Variants in CAST observed in about 807,000 individuals in gnomAD.
The protein encoded by CAST is MIR583 host.
A neutral mutation model predicts 119.6 loss-of-function variants in CAST; 76 were observed. The ratio of observed to expected loss-of-function variants is 0.64; its 90% CI spans 0.53 to 0.77. CAST has a LOEUF of 0.77. Among genes scored for constraint, CAST ranks in the 30% least tolerant of loss-of-function variants. The pLI is 0.00. For missense variants in CAST, 953 were observed against 946.5 expected, an observed-to-expected ratio of 1.01 and a Z score of -0.09; for synonymous variants, 319 against 331.6, an observed-to-expected ratio of 0.96 and a Z score of 0.41.
At chr5:96,628,780 A>G (rs1006122918) in intron 1 of CAST, among the ~76,000 whole-genome samples, 1 of 152,172 alleles carries the variant, frequency 6.6e-6, no homozygotes, top group Non-Finnish European at 1.5e-5. Flanking sequence ...GGAAGCAAGT[A>G]TGGATGTTGT....
chr5:96,634,266 A>C (rs1291893483), intron 1 of CAST, among the ~76,000 whole-genome samples: 4 of 152,246 alleles, frequency 2.6e-5, no homozygotes, highest in Non-Finnish European at 1.5e-5. Flanking sequence ...AGAGATCAAC[A>C]AGAGTGAAAG....
chr5:96,261,839 G>A, the CAST span, among the ~76,000 whole-genome samples: 1 of 152,178 alleles, frequency 6.6e-6, no homozygotes, highest in South Asian at 2.1e-4. Flanking sequence ...GTGCAGGTCT[G>A]AAAGATAGGT....
chr5:96,328,175 T>G, the CAST span, among the ~76,000 whole-genome samples: 6,950 of 152,300 alleles, frequency 0.046, 430 homozygotes, highest in African/African-American at 0.14. Flanking sequence ...TCTTTCTAAC[T>G]GCTCTTCTGA....
chr5:96,034,604 G>GT, the CAST span, among the ~76,000 whole-genome samples: 6 of 149,192 alleles, frequency 4.0e-5, no homozygotes, highest in South Asian at 4.2e-4. Context: ...ACCTAACATA[G>GT]TTTTTTTTCT....
chr5:96,650,051 A>C (rs544851501), intron 1 of CAST, among the ~76,000 whole-genome samples: 1 of 152,326 alleles, frequency 6.6e-6, no homozygotes, highest in South Asian at 2.1e-4. Context: ...AGAGAGATTG[A>C]ATAAATTACA....
At chr5:96,432,155 T>C in the CAST span, 1 of 1,534,640 alleles carries the variant, frequency 6.5e-7, no homozygotes, top group Non-Finnish European at 8.7e-7. Flanking sequence ...GCAGTGGGAC[T>C]GGCCGGGCAA....
intron 11 of CAST, 59 bp from the exon 12 acceptor site, chr5:96,739,979 A>G (rs1762355751): frequency 2.6e-6 from 2 of 776,452 alleles, no homozygotes; most frequent in Non-Finnish European, 2.2e-6. Context: ...CAGAATATGC[A>G]TATAGCATTG....
chr5:96,434,904 T>C, the CAST span, among the ~76,000 whole-genome samples: 4 of 152,368 alleles, frequency 2.6e-5, no homozygotes, highest in Admixed American at 2.6e-4. Context: ...ATAAGCCATG[T>C]GACATGGTTA....
At chr5:96,096,909 C>G in the CAST span, among the ~76,000 whole-genome samples, 1 of 152,296 alleles carries the variant, frequency 6.6e-6, no homozygotes, top group South Asian at 2.1e-4. Context: ...AAATTCTTGC[C>G]AATAGACTCC....
At chr5:96,510,321 A>G in the CAST span, among the ~76,000 whole-genome samples, 11 of 152,248 alleles carry the variant, frequency 7.2e-5, no homozygotes, top group Non-Finnish European at 1.3e-4. Flanking sequence ...TCTTTGCTCC[A>G]GTAGATTCTA....
At chr5:96,376,091 C>T in the CAST span, among the ~76,000 whole-genome samples, 6,433 of 150,490 alleles carry the variant, frequency 0.043, 404 homozygotes, top group African/African-American at 0.14. Context: ...TTTCTCAGAC[C>T]TCTCAGGGTG....
chr5:96,757,315 C>A, intron 22 of CAST, 129 bp from the exon 23 acceptor site: 2 of 853,486 alleles, frequency 2.3e-6, no homozygotes, highest in Non-Finnish European at 3.9e-6. Flanking sequence ...TCCTTCGTGA[C>A]ATGATGGATC....
At chr5:96,019,774 T>A in the CAST span, among the ~76,000 whole-genome samples, 3 of 152,244 alleles carry the variant, frequency 2.0e-5, no homozygotes, top group African/African-American at 7.2e-5. Flanking sequence ...GTTTTTTATG[T>A]TTCACAAGGC....
chr5:96,460,217 C>T, the CAST span, among the ~76,000 whole-genome samples: 1 of 151,868 alleles, frequency 6.6e-6, no homozygotes, highest in African/African-American at 2.4e-5. Flanking sequence ...CATGACATAA[C>T]CCAGAAAAAG....
chr5:96,191,760 G>A, the CAST span, among the ~76,000 whole-genome samples: 11 of 152,298 alleles, frequency 7.2e-5, no homozygotes, highest in African/African-American at 2.6e-4. Flanking sequence ...AGTAGAGATG[G>A]GGTTTCACCA....
intron 16 of CAST, among the ~76,000 whole-genome samples, chr5:96,744,024 A>T (rs1178518471): frequency 6.6e-6 from 1 of 152,230 alleles, no homozygotes; most frequent in Non-Finnish European, 1.5e-5. Context: ...TCAGGATCAA[A>T]GGAGTCTTAA....
At chr5:96,712,413 C>A (rs1031734993) in intron 3 of CAST, among the ~76,000 whole-genome samples, 1 of 152,096 alleles carries the variant, frequency 6.6e-6, no homozygotes, top group Non-Finnish European at 1.5e-5. Flanking sequence ...GCCACTGCAG[C>A]CTTTATGTCC....
At chr5:96,091,055 G>C in the CAST span, among the ~76,000 whole-genome samples, 1 of 152,018 alleles carries the variant, frequency 6.6e-6, no homozygotes, top group African/African-American at 2.4e-5. Context: ...ACAGTAGATT[G>C]CACCTGTCTC....
At chr5:96,144,689 G>A in the CAST span, among the ~76,000 whole-genome samples, 15 of 142,758 alleles carry the variant, frequency 1.1e-4, no homozygotes, top group African/African-American at 1.6e-4. Flanking sequence ...TTTTTTTTTA[G>A]ACGGAGTCTC....
Sources: allele counts gnomAD v4.1 joint callset (sites outside exome capture counted in the v4.1 genomes callset), GRCh38; gene constraint gnomAD v4.1.1; transcripts MANE v1.5; gene names NCBI Gene and HGNC (gene_info 2026-07-23, HGNC 2026-07-21).